Variants in TUSC3 observed in about 807,000 individuals in gnomAD.
TUSC3 encodes dolichyl-diphosphooligosaccharide--protein glycosyltransferase subunit TUSC3.
A neutral mutation model predicts 44.8 loss-of-function variants in TUSC3; 45 were observed. That is an observed-to-expected ratio of 1.00 (90% CI 0.79 to 1.29). TUSC3 has a LOEUF of 1.29. TUSC3 is among the 50% of genes most tolerant of loss of function. TUSC3 has a pLI of 0.00. For synonymous variants in TUSC3, 212 were observed against 152.9 expected, an observed-to-expected ratio of 1.39 and a Z score of -2.85; for missense variants, 519 against 437.9, an observed-to-expected ratio of 1.19 and a Z score of -1.65.
At chr8:15,483,069 C>T (rs895753756) in intron 1 of TUSC3, among the ~76,000 whole-genome samples, 1 of 152,014 alleles carries the variant, frequency 6.6e-6, no homozygotes, top group South Asian at 2.1e-4. Flanking sequence ...AGAAAATATT[C>T]CTCTATTCAT....
intron 1 of TUSC3, among the ~76,000 whole-genome samples, chr8:15,599,518 C>T (rs1289287732): frequency 6.6e-6 from 1 of 151,614 alleles, no homozygotes; most frequent in Non-Finnish European, 1.5e-5. Context: ...ACCCAGTTAC[C>T]TAGGTTTTCT....
At chr8:15,656,994 C>T (rs1807202689) in intron 3 of TUSC3, among the ~76,000 whole-genome samples, 1 of 152,168 alleles carries the variant, frequency 6.6e-6, no homozygotes, top group African/African-American at 2.4e-5. Flanking sequence ...CAGCAGTATG[C>T]AGGGAGTGGA....
rs2129226066 is a variant in TUSC3, at chr8:15,765,047, G to A, written c.*891G>A. Reference sequence around the variant, plus strand: ...TAAAAGGTTAATTATCCTAGGATTAGTGAATGATTCAATGAAGCTTTCTTG... The same window carrying A: ...TAAAAGGTTAATTATCCTAGGATTAATGAATGATTCAATGAAGCTTTCTTG... On this transcript the variant is annotated 3_prime_UTR_variant, in exon 11 of 11. Transcript: ENST00000503731. The A allele has an allele frequency of 6.6e-6, 1 of 152,144 alleles. No homozygotes were observed. The highest frequency in any genetic ancestry group is 2.1e-4 in the South Asian group (1 of 4,830). 9.4% of individuals were successfully genotyped at this position (152,144 alleles called of 1,614,324 possible).
chr8:15,498,393 TAGA>T (rs1563266804), intron 2 of TUSC3, among the ~76,000 whole-genome samples: 3 of 152,006 alleles, frequency 2.0e-5, no homozygotes, highest in African/African-American at 7.3e-5. Context: ...GAGATGTGAA[TAGA>T]AGAATAGATG....
At chr8:15,752,141 T>G (rs1811733436) in intron 9 of TUSC3, among the ~76,000 whole-genome samples, 1 of 152,110 alleles carries the variant, frequency 6.6e-6, no homozygotes, top group African/African-American at 2.4e-5. Context: ...GAAAGATCAC[T>G]GTGGGTCTGA....
At chr8:15,484,121 T>G (rs535101654) in intron 2 of TUSC3, among the ~76,000 whole-genome samples, 1 of 152,094 alleles carries the variant, frequency 6.6e-6, no homozygotes, top group Non-Finnish European at 1.5e-5. Context: ...CCATAAATTT[T>G]CTAATTGTTT....
At chr8:15,636,573 G>A (rs1011265453) in intron 2 of TUSC3, among the ~76,000 whole-genome samples, 1 of 152,228 alleles carries the variant, frequency 6.6e-6, no homozygotes, top group Non-Finnish European at 1.5e-5. Flanking sequence ...TGTTGCCGTA[G>A]GCATTAGTCA....
intron 2 of TUSC3, among the ~76,000 whole-genome samples, chr8:15,483,648 G>GTTTTTTTTT (rs1398002093): frequency 6.9e-5 from 3 of 43,448 alleles, no homozygotes; most frequent in East Asian, 8.2e-4. Flanking sequence ...CTAGCACTGT[G>GTTTTTTTTT]ATTTTTTTTT....
intron 2 of TUSC3, among the ~76,000 whole-genome samples, chr8:15,503,171 C>T (rs918853364): frequency 6.6e-5 from 10 of 152,046 alleles, no homozygotes; most frequent in South Asian, 2.1e-4. Flanking sequence ...GAGATTATTA[C>T]GGTGGGCCTT....
At chr8:15,823,943 T>A in the TUSC3 span, among the ~76,000 whole-genome samples, 192 of 152,356 alleles carry the variant, frequency 1.3e-3, no homozygotes, top group African/African-American at 3.3e-3. Flanking sequence ...ATGATGCCTT[T>A]CCTAAATTGA....
the TUSC3 span, among the ~76,000 whole-genome samples, chr8:15,801,906 A>G: frequency 6.6e-6 from 1 of 152,330 alleles, no homozygotes; most frequent in Non-Finnish European, 1.5e-5. Context: ...AGGATTCAGA[A>G]ATCCTGGTGA....
the TUSC3 span, among the ~76,000 whole-genome samples, chr8:15,819,376 T>C: frequency 1.4e-5 from 1 of 70,038 alleles, no homozygotes; most frequent in Non-Finnish European, 2.9e-5. Context: ...TCCAATCATC[T>C]TGGTTTTATT....
In TUSC3 at chr8:15,728,421, C is replaced by CA. The variant is rs546388020; in HGVS notation, c.799-2243dup. 2.9e-3 allele frequency among the ~76,000 whole-genome samples: 344 copies of CA among 118,104 alleles called. 2 individuals are homozygous for CA. Among genetic ancestry groups the CA allele is most frequent in the African/African-American group, 0.011 (330 of 31,018 alleles). The allele number at this position is 118,104 out of a possible 152,430, so 77.5% of individuals were successfully genotyped here. On this transcript the variant is annotated intron_variant, in intron 6 of 10. Coordinates refer to ENST00000503731, the MANE Select transcript of TUSC3 (RefSeq NM_006765.4). ...TTGGAATGGATTTTGAAAGTAGAGC[C>CA]AACAGTATTTTCTGAATGATTGGAT...
intron 2 of TUSC3, among the ~76,000 whole-genome samples, chr8:15,492,981 C>T (rs74916006): frequency 0.012 from 1,788 of 152,036 alleles, 27 homozygotes; most frequent in Non-Finnish European, 0.016. Context: ...CAGAGAAAGA[C>T]CCTGTCTCAA....
chr8:15,471,183 G>A (rs1322235762), intron 1 of TUSC3, among the ~76,000 whole-genome samples: 1 of 151,908 alleles, frequency 6.6e-6, no homozygotes, highest in Non-Finnish European at 1.5e-5. Flanking sequence ...ACCAAAACTT[G>A]GTAAATCATC....
intron 2 of TUSC3, among the ~76,000 whole-genome samples, chr8:15,512,872 G>GTATATATATA (rs55768442): frequency 6.0e-5 from 8 of 132,290 alleles, no homozygotes; most frequent in South Asian, 2.5e-4. Flanking sequence ...ATATGTGTGT[G>GTATATATATA]TATATATATA....
At chr8:15,496,375 C>G (rs141681733) in intron 2 of TUSC3, among the ~76,000 whole-genome samples, 1 of 152,310 alleles carries the variant, frequency 6.6e-6, no homozygotes, top group African/African-American at 2.4e-5. Flanking sequence ...TGAATTTGTG[C>G]TGTCTCCTAG....
In TUSC3 at chr8:15,559,713, A is replaced by G. The variant is rs1585100515; in HGVS notation, c.138+19145A>G. Among the ~76,000 whole-genome samples, 3 of 128,450 alleles carry G rather than the reference A, an allele frequency of 2.3e-5. 1 individual carries two copies. The highest frequency in any genetic ancestry group is 7.9e-5 in the Admixed American group (1 of 12,592). The allele number at this position is 128,450 out of a possible 152,430, so 84.3% of individuals were successfully genotyped here. A position where few individuals can be genotyped will look rare whatever the true frequency, so the allele number is the denominator to read the frequency against. ...TGTATTGGGTGCATATATATTTAGG[A>G]TAGTTAGCTCTTCTTGTTGAATTGA... On this transcript the variant is annotated intron_variant, in intron 1 of 10. Coordinates refer to ENST00000503731, the MANE Select transcript of TUSC3 (RefSeq NM_006765.4).
At chr8:15,432,304 C>T (rs1322249462) in intron 1 of TUSC3, among the ~76,000 whole-genome samples, 2 of 152,116 alleles carry the variant, frequency 1.3e-5, no homozygotes, top group African/African-American at 2.4e-5. Flanking sequence ...CCTTATTCAT[C>T]TGTGTATATT....
Sources: allele counts gnomAD v4.1 joint callset (sites outside exome capture counted in the v4.1 genomes callset), GRCh38; gene constraint gnomAD v4.1.1; transcripts MANE v1.5; gene names NCBI Gene and HGNC (gene_info 2026-07-23, HGNC 2026-07-21).